The following MAML2 variants were observed in gnomAD, a reference collection of about 807,000 sequenced individuals.
MAML2 encodes mastermind like transcriptional coactivator 2, also known as mastermind-like protein 2.
A neutral mutation model predicts 96.1 loss-of-function variants in MAML2; 22 were observed. The observed-to-expected ratio is 0.23, with a 90% CI of 0.16 to 0.33. The LOEUF is 0.33. Among genes scored for constraint, MAML2 ranks in the 10% least tolerant of loss-of-function variants. MAML2 has a pLI of 1.00. For missense variants in MAML2, 1,367 were observed against 1,392.4 expected (o/e 0.98, Z 0.29); for synonymous variants, 561 against 521.3 (o/e 1.08, Z -1.04).
intron 1 of MAML2, among the ~76,000 whole-genome samples, chr11:96,332,412 T>C (rs987909073): frequency 6.6e-6 from 1 of 152,152 alleles, no homozygotes; most frequent in African/African-American, 2.4e-5. Flanking sequence ...CAAAGACAGC[T>C]CAGAGTCACT....
intron 4 of MAML2, among the ~76,000 whole-genome samples, chr11:95,983,989 C>T (rs537703819): frequency 3.7e-4 from 57 of 152,294 alleles, no homozygotes; most frequent in Middle Eastern, 3.4e-3. Flanking sequence ...TGCATTCACA[C>T]GCCACTCACT....
chr11:96,042,223 G>A (rs1858825966), intron 2 of MAML2, among the ~76,000 whole-genome samples: 1 of 152,246 alleles, frequency 6.6e-6, no homozygotes, highest in South Asian at 2.1e-4. Context: ...TGATCCACCT[G>A]CCTTGGCCTC....
chr11:96,024,946 T>C (rs1858492880), intron 2 of MAML2, among the ~76,000 whole-genome samples: 2 of 152,234 alleles, frequency 1.3e-5, no homozygotes, highest in South Asian at 4.1e-4. Flanking sequence ...TATGGACTGC[T>C]GGTGGGAATG....
intron 1 of MAML2, among the ~76,000 whole-genome samples, chr11:96,300,171 G>A (rs1278951533): frequency 4.6e-5 from 7 of 152,204 alleles, no homozygotes; most frequent in Non-Finnish European, 1.0e-4. Flanking sequence ...AAGGTCAAAG[G>A]TAAGGCCATG....
intron 1 of MAML2, among the ~76,000 whole-genome samples, chr11:96,138,417 C>A (rs1209202199): frequency 2.0e-5 from 3 of 152,048 alleles, no homozygotes; most frequent in African/African-American, 7.3e-5. Context: ...GTTATTTATG[C>A]CATCTGTAAA....
intron 1 of MAML2, among the ~76,000 whole-genome samples, chr11:96,175,499 T>C (rs898131862): frequency 1.3e-5 from 2 of 152,206 alleles, no homozygotes; most frequent in Admixed American, 6.5e-5. Flanking sequence ...TTCTCCACTT[T>C]AGCAATATTT....
chr11:96,310,133 G>T (rs571321237), intron 1 of MAML2, among the ~76,000 whole-genome samples: 3 of 152,072 alleles, frequency 2.0e-5, no homozygotes, highest in African/African-American at 7.2e-5. Context: ...CTGTGATTAC[G>T]TGAAAAGGAA....
chr11:96,019,320 T>C (rs1858400992), intron 2 of MAML2, among the ~76,000 whole-genome samples: 1 of 152,166 alleles, frequency 6.6e-6, no homozygotes, highest in Non-Finnish European at 1.5e-5. Context: ...GAAGTTATAA[T>C]AGTGCCAGTG....
At chr11:96,340,103 C>T (rs1863972325) in intron 1 of MAML2, among the ~76,000 whole-genome samples, 1 of 152,098 alleles carries the variant, frequency 6.6e-6, no homozygotes, top group Admixed American at 6.6e-5. Flanking sequence ...CCAGAGATTC[C>T]CAGGGTCTTC....
At chr11:96,080,330 G>A (rs141934784) in intron 2 of MAML2, among the ~76,000 whole-genome samples, 90 of 152,322 alleles carry the variant, frequency 5.9e-4, no homozygotes, top group Non-Finnish European at 1.2e-3. Flanking sequence ...AATGATGAAA[G>A]TGGTTTCCTC....
At chr11:96,196,477 T>TA (rs1318970546) in intron 1 of MAML2, among the ~76,000 whole-genome samples, 1 of 152,198 alleles carries the variant, frequency 6.6e-6, no homozygotes, top group Non-Finnish European at 1.5e-5. Context: ...AGGAGACGTG[T>TA]AAAAAAATCA....
chr11:96,321,031 A>T (rs1416426728), intron 1 of MAML2, among the ~76,000 whole-genome samples: 1 of 151,600 alleles, frequency 6.6e-6, no homozygotes, highest in Non-Finnish European at 1.5e-5. Context: ...ACATGCCTTC[A>T]AATAGGGTTT....
rs11021473 is a variant in MAML2 at position 96,216,059 on chromosome 11, A to C, written c.514-122542T>G. Among the ~76,000 whole-genome samples the C allele has an allele frequency of 9.3e-3, 1,418 of 152,292 alleles. 56 individuals are homozygous for C. In the East Asian group the frequency reaches 0.095, roughly 10 times the overall value. Reference sequence around the variant, plus strand: ...TGCTTAAAAAAAAAATAGAGTATTTAGTATCATATTTGCAGAGTCACATGT... The same window carrying C: ...TGCTTAAAAAAAAAATAGAGTATTTCGTATCATATTTGCAGAGTCACATGT... On this transcript the variant is annotated intron_variant, in intron 1 of 4. Coordinates refer to ENST00000524717, the MANE Select transcript of MAML2 (RefSeq NM_032427.4).
At chr11:95,999,303 C>G (rs1413884255) in intron 2 of MAML2, among the ~76,000 whole-genome samples, 1 of 152,064 alleles carries the variant, frequency 6.6e-6, no homozygotes, top group East Asian at 1.9e-4. Context: ...TGTGAGAGAT[C>G]TTTAAAAAAG....
intron 2 of MAML2, among the ~76,000 whole-genome samples, chr11:96,087,672 T>C (rs1859639382): frequency 6.6e-6 from 1 of 152,228 alleles, no homozygotes; most frequent in African/African-American, 2.4e-5. Flanking sequence ...CAAATTTTGT[T>C]TCTCAGCTTT....
At chr11:96,265,311 T>G (rs1283543136) in intron 1 of MAML2, among the ~76,000 whole-genome samples, 6 of 152,170 alleles carry the variant, frequency 3.9e-5, no homozygotes. Context: ...ATTTTCCCCA[T>G]GAATTACTCT....
At chr11:95,998,174 G>GTCTGTCTATCTA (rs139615820) in intron 2 of MAML2, among the ~76,000 whole-genome samples, 6,555 of 147,678 alleles carry the variant, frequency 0.044, 176 homozygotes, top group African/African-American at 0.059. Context: ...CTGTCTGTCT[G>GTCTGTCTATCTA]TCTATCTATC....
intron 1 of MAML2, among the ~76,000 whole-genome samples, chr11:96,310,483 T>C (rs1379268112): frequency 3.3e-5 from 5 of 152,214 alleles, no homozygotes; most frequent in African/African-American, 1.2e-4. Context: ...TTGCTGCATA[T>C]GAGTTGAAAC....
chr11:96,039,397 AGGAGAGG>A (rs1308114025), intron 2 of MAML2, among the ~76,000 whole-genome samples: 1 of 141,906 alleles, frequency 7.0e-6, no homozygotes, highest in Non-Finnish European at 1.5e-5. Flanking sequence ...GAGAGGAGAC[AGGAGAGG>A]GGAGAGGGGA....
Sources: gnomAD v4.1 joint callset for allele counts (sites outside exome capture counted in the v4.1 genomes callset) on GRCh38, gnomAD v4.1.1 for gene constraint, MANE v1.5 for transcripts, NCBI Gene and HGNC (gene_info 2026-07-23, HGNC 2026-07-21) for gene names.